Variants in KCNH8 observed in about 807,000 individuals in gnomAD.
KCNH8 encodes the protein potassium voltage-gated channel subfamily H member 8.
Under a neutral mutation model 103.6 loss-of-function variants are expected in KCNH8, and 70 were observed. The ratio of observed to expected loss-of-function variants is 0.68; its 90% CI spans 0.56 to 0.82. The LOEUF (loss-of-function observed/expected upper bound fraction) is 0.82, where lower values mean the gene tolerates loss of function less well. KCNH8 is among the 40% of genes least tolerant of loss of function. The pLI is 0.00. For missense variants in KCNH8, 1,217 were observed against 1,329.9 expected (o/e 0.92, Z 1.32); for synonymous variants, 498 against 489.4 (o/e 1.02, Z -0.23).
At chr3:19,322,487 AATTGTT>A (rs1299976536) in intron 3 of KCNH8, among the ~76,000 whole-genome samples, 1 of 152,160 alleles carries the variant, frequency 6.6e-6, no homozygotes, top group East Asian at 1.9e-4. Context: ...CTTAGCTGAT[AATTGTT>A]TTGTTTTAGG....
chr3:19,523,675 C>T (rs1200191063), intron 15 of KCNH8, among the ~76,000 whole-genome samples: 1 of 151,860 alleles, frequency 6.6e-6, no homozygotes, highest in Non-Finnish European at 1.5e-5. Flanking sequence ...GAACTAATTC[C>T]ATGGGCACAG....
intron 3 of KCNH8, among the ~76,000 whole-genome samples, chr3:19,290,604 A>G (rs1398793889): frequency 1.3e-5 from 2 of 152,174 alleles, no homozygotes; most frequent in Non-Finnish European, 2.9e-5. Flanking sequence ...AGCCCACTTG[A>G]TCATGCTGGA....
intron 1 of KCNH8, among the ~76,000 whole-genome samples, chr3:19,173,293 T>TGTGA (rs2063365846): frequency 6.6e-6 from 1 of 152,120 alleles, no homozygotes; most frequent in African/African-American, 2.4e-5. Flanking sequence ...GGACCGGCAA[T>TGTGA]GTGAGTGCCT....
intron 7 of KCNH8, among the ~76,000 whole-genome samples, chr3:19,405,131 G>T (rs190788700): frequency 4.0e-5 from 6 of 151,780 alleles, no homozygotes; most frequent in Admixed American, 3.3e-4. Flanking sequence ...GAGACTTTTT[G>T]TCCAGTTCAT....
chr3:19,407,092 G>A (rs1304069641), intron 7 of KCNH8, among the ~76,000 whole-genome samples: 1 of 152,098 alleles, frequency 6.6e-6, no homozygotes, highest in Non-Finnish European at 1.5e-5. Flanking sequence ...GAGTAAGTCT[G>A]ACCTGATATA....
chr3:19,457,011 A>C, intron 11 of KCNH8, 29 bp downstream of exon 11: 1 of 1,448,950 alleles, frequency 6.9e-7, no homozygotes, highest in Non-Finnish European at 9.7e-7. Flanking sequence ...TAGTGCTAAG[A>C]CCTAATAACA....
intron 7 of KCNH8, 27 bp downstream of exon 7, chr3:19,395,338 C>A: frequency 6.6e-7 from 1 of 1,521,498 alleles, no homozygotes; most frequent in South Asian, 1.2e-5. Context: ...GTCACATTTT[C>A]CATTTTTTAA....
intron 11 of KCNH8, among the ~76,000 whole-genome samples, chr3:19,501,297 C>A (rs577939168): frequency 1.9e-4 from 29 of 152,108 alleles, no homozygotes; most frequent in Non-Finnish European, 3.7e-4. Context: ...AGCTTACCAA[C>A]GAAAAAGAGT....
At chr3:19,443,469 GTA>G in intron 8 of KCNH8, among the ~76,000 whole-genome samples, 1 of 150,680 alleles carries the variant, frequency 6.6e-6, no homozygotes, top group South Asian at 2.1e-4. Flanking sequence ...ATATATATGT[GTA>G]TATATAAAGT....
In KCNH8 at chr3:19,160,066, A is replaced by G. The variant is rs186746924; in HGVS notation, c.76+11271A>G. Among the ~76,000 whole-genome samples, 6 of 152,264 alleles carry G rather than the reference A, an allele frequency of 3.9e-5. No individual in the cohort carries two copies. The East Asian group carries it at 7.7e-4, about 20-fold the overall frequency. ...TTCTAAGAAAATTGATGATGCATAG[A>G]TAACTGGGAGAAAATGCAGACATTT... On this transcript the variant is annotated intron_variant, in intron 1 of 15. Coordinates refer to ENST00000328405, the MANE Select transcript of KCNH8 (RefSeq NM_144633.3).
chr3:19,306,065 G>A (rs2065126109), intron 3 of KCNH8, among the ~76,000 whole-genome samples: 1 of 151,958 alleles, frequency 6.6e-6, no homozygotes, highest in South Asian at 2.1e-4. Context: ...GAAATGGGAG[G>A]AGAGGATCTG....
chr3:19,352,711 A>G (rs2065821056), intron 5 of KCNH8, among the ~76,000 whole-genome samples: 1 of 152,216 alleles, frequency 6.6e-6, no homozygotes. Context: ...ACATACCAGA[A>G]TCTCTGGGAC....
intron 1 of KCNH8, among the ~76,000 whole-genome samples, chr3:19,186,387 G>A (rs2063503188): frequency 6.6e-6 from 1 of 151,304 alleles, no homozygotes; most frequent in Non-Finnish European, 1.5e-5. Flanking sequence ...ATTTTCAAAA[G>A]TCTCTCCAAA....
At chr3:19,289,661 A>G (rs1298653959) in intron 3 of KCNH8, among the ~76,000 whole-genome samples, 1 of 152,108 alleles carries the variant, frequency 6.6e-6, no homozygotes, top group African/African-American at 2.4e-5. Context: ...AGGTAGCGTC[A>G]TGCCTCCAGC....
At chr3:19,154,102 A>G (rs2063157587) in intron 1 of KCNH8, among the ~76,000 whole-genome samples, 1 of 152,226 alleles carries the variant, frequency 6.6e-6, no homozygotes, top group Non-Finnish European at 1.5e-5. Context: ...AGGTGCAGAC[A>G]AAGGGCTATG....
chr3:19,463,011 T>C (rs533607557), intron 11 of KCNH8, among the ~76,000 whole-genome samples: 1 of 152,304 alleles, frequency 6.6e-6, no homozygotes, highest in Non-Finnish European at 1.5e-5. Context: ...ACTAAATATG[T>C]ACACACGTTT....
chr3:19,209,450 A>T (rs1575438356), intron 1 of KCNH8, among the ~76,000 whole-genome samples: 1 of 152,206 alleles, frequency 6.6e-6, no homozygotes, highest in East Asian at 1.9e-4. Flanking sequence ...AAATACTTGG[A>T]TCATTTTAAA....
Position 19,423,044 on chromosome 3 carries a change from A to G in KCNH8, c.1178-15120A>G, listed in dbSNP as rs566743063. ...TTACATCATAGTGATGATGATCCACAATGATTAGAAATTATTATCTCAACA... is the reference window on the plus strand; with the variant it reads ...TTACATCATAGTGATGATGATCCACGATGATTAGAAATTATTATCTCAACA... On this transcript the variant is annotated intron_variant, in intron 7 of 15. Coordinates refer to ENST00000328405, the MANE Select transcript of KCNH8 (RefSeq NM_144633.3). Among the ~76,000 whole-genome samples the G allele has an allele frequency of 1.1e-4, 16 of 152,200 alleles. No individual in the cohort carries two copies. In the South Asian group the frequency reaches 1.2e-3, roughly 12 times the overall value.
At chr3:19,248,632 G>A (rs901140481) in intron 1 of KCNH8, among the ~76,000 whole-genome samples, 24 of 152,278 alleles carry the variant, frequency 1.6e-4, no homozygotes, top group African/African-American at 5.8e-4. Flanking sequence ...AAGTCACATA[G>A]ACTGAGTTTT....
Sources: allele counts gnomAD v4.1 joint callset (sites outside exome capture counted in the v4.1 genomes callset), GRCh38; gene constraint gnomAD v4.1.1; transcripts MANE v1.5; gene names NCBI Gene and HGNC (gene_info 2026-07-23, HGNC 2026-07-21).